The following SYNDIG1 variants were observed in gnomAD, a reference collection of about 807,000 sequenced individuals.
SYNDIG1 encodes the protein synapse differentiation-inducing gene protein 1.
In SYNDIG1, 9 loss-of-function variants were observed where a neutral mutation model predicts 19.4. That is an observed-to-expected ratio of 0.46 (90% CI 0.28 to 0.81). SYNDIG1 has a LOEUF of 0.81. Ranked by LOEUF, SYNDIG1 falls within the 30% of genes least tolerant of loss-of-function variation. The pLI is 0.12. For synonymous variants in SYNDIG1, 141 were observed against 145.9 expected (o/e 0.97, Z 0.24); for missense variants, 311 against 343.3 (o/e 0.91, Z 0.74).
intron 2 of SYNDIG1, among the ~76,000 whole-genome samples, chr20:24,569,449 C>A (rs1388127930): frequency 6.6e-6 from 1 of 152,128 alleles, no homozygotes; most frequent in African/African-American, 2.4e-5. Context: ...GAGACCTGGG[C>A]GTCAGGAGTG....
At chr20:24,611,048 C>T (rs1204862904) in intron 3 of SYNDIG1, among the ~76,000 whole-genome samples, 1 of 152,192 alleles carries the variant, frequency 6.6e-6, no homozygotes, top group Non-Finnish European at 1.5e-5. Context: ...AGCTGAACCA[C>T]GCGATGCTCA....
chr20:24,511,578 C>T (rs950501320), intron 1 of SYNDIG1, among the ~76,000 whole-genome samples: 2 of 152,112 alleles, frequency 1.3e-5, no homozygotes, highest in African/African-American at 2.4e-5. Flanking sequence ...TCTCCTCTGC[C>T]CCCGCCACTA....
chr20:24,603,369 G>A (rs552704596), intron 3 of SYNDIG1, among the ~76,000 whole-genome samples: 1 of 152,264 alleles, frequency 6.6e-6, no homozygotes, highest in Admixed American at 6.5e-5. Context: ...TTCATTCCTA[G>A]TGCTCCAAGC....
At chr20:24,569,692 G>T (rs942609623) in intron 2 of SYNDIG1, among the ~76,000 whole-genome samples, 3 of 152,120 alleles carry the variant, frequency 2.0e-5, no homozygotes, top group Non-Finnish European at 4.4e-5. Context: ...GTTTACCCCA[G>T]AAAAAAGTGC....
At chr20:24,592,332 A>G (rs1029157105) in intron 3 of SYNDIG1, among the ~76,000 whole-genome samples, 2 of 152,134 alleles carry the variant, frequency 1.3e-5, no homozygotes, top group African/African-American at 2.4e-5. Flanking sequence ...TCCCTTCTCA[A>G]TCTTACTCTG....
chr20:24,566,056 T>G (rs1312837218), intron 2 of SYNDIG1, among the ~76,000 whole-genome samples: 1 of 152,186 alleles, frequency 6.6e-6, no homozygotes, highest in East Asian at 1.9e-4. Context: ...AAGAGATTCC[T>G]CCCAGGGAGG....
intron 1 of SYNDIG1, among the ~76,000 whole-genome samples, chr20:24,503,647 C>T (rs2056512168): frequency 6.6e-6 from 1 of 151,748 alleles, no homozygotes; most frequent in South Asian, 2.1e-4. Flanking sequence ...TTCCACTGCT[C>T]TTATCTGCAG....
At chr20:24,570,272 A>G (rs1393283247) in intron 2 of SYNDIG1, among the ~76,000 whole-genome samples, 3 of 152,248 alleles carry the variant, frequency 2.0e-5, no homozygotes, top group African/African-American at 7.2e-5. Context: ...CATCAGAAAA[A>G]CAATCTATAA....
intron 3 of SYNDIG1, among the ~76,000 whole-genome samples, chr20:24,637,876 C>T (rs1401225173): frequency 6.6e-6 from 1 of 152,244 alleles, no homozygotes; most frequent in Non-Finnish European, 1.5e-5. Flanking sequence ...TATCTGTAGA[C>T]TCCTCTGTGT....
At chr20:24,504,908 G>A (rs375148793) in intron 1 of SYNDIG1, among the ~76,000 whole-genome samples, 10 of 152,214 alleles carry the variant, frequency 6.6e-5, no homozygotes, top group Middle Eastern at 3.2e-3. Flanking sequence ...TAAGGATGTG[G>A]GGAAGCAACT....
intron 2 of SYNDIG1, among the ~76,000 whole-genome samples, chr20:24,576,452 T>C (rs1335210316): frequency 6.6e-6 from 1 of 152,206 alleles, no homozygotes; most frequent in Non-Finnish European, 1.5e-5. Context: ...GTACCTGCTT[T>C]GGGCTGTTGC....
At chr20:24,533,791 G>A (rs6049761) in intron 1 of SYNDIG1, among the ~76,000 whole-genome samples, 3,319 of 152,292 alleles carry the variant, frequency 0.022, 112 homozygotes, top group African/African-American at 0.073. Flanking sequence ...AGCCGTGATA[G>A]CACCATCAAT....
chr20:24,477,408 A>G (rs1469569004), intron 1 of SYNDIG1, among the ~76,000 whole-genome samples: 3 of 151,184 alleles, frequency 2.0e-5, no homozygotes, highest in South Asian at 2.1e-4. Flanking sequence ...CCTGCATCCC[A>G]TTGATTGTCT....
intron 1 of SYNDIG1, among the ~76,000 whole-genome samples, chr20:24,530,800 T>C (rs1477310359): frequency 6.6e-6 from 1 of 151,586 alleles, no homozygotes; most frequent in Non-Finnish European, 1.5e-5. Context: ...TGTTTGTTTT[T>C]TGGGTTTTTT....
intron 3 of SYNDIG1, among the ~76,000 whole-genome samples, chr20:24,654,892 GA>G (rs1317491299): frequency 6.6e-6 from 1 of 152,034 alleles, no homozygotes; most frequent in Non-Finnish European, 1.5e-5. Context: ...GAAGTCCAAG[GA>G]AAAAAATCAT....
intron 1 of SYNDIG1, among the ~76,000 whole-genome samples, chr20:24,510,700 G>C (rs546747211): frequency 4.6e-5 from 7 of 152,196 alleles, no homozygotes; most frequent in South Asian, 2.1e-4. Flanking sequence ...GTCTGAATCT[G>C]TAAATTCACA....
chr20:24,655,775 C>CAAA (rs11087474), intron 3 of SYNDIG1, among the ~76,000 whole-genome samples: 2 of 132,558 alleles, frequency 1.5e-5, no homozygotes, highest in African/African-American at 2.8e-5. Flanking sequence ...GTATACTCAT[C>CAAA]AAAAAAAAAA....
chr20:24,571,041 A>T (rs2058132345), intron 2 of SYNDIG1, among the ~76,000 whole-genome samples: 1 of 152,178 alleles, frequency 6.6e-6, no homozygotes, highest in African/African-American at 2.4e-5. Context: ...GATATACTGT[A>T]TGTTTCCATT....
intron 3 of SYNDIG1, among the ~76,000 whole-genome samples, chr20:24,641,178 C>A (rs369044288): frequency 3.9e-5 from 6 of 152,272 alleles, no homozygotes; most frequent in Non-Finnish European, 7.3e-5. Flanking sequence ...CCTTCCTGAA[C>A]CTTAATTCCT....
Sources: gnomAD v4.1 joint callset for allele counts (sites outside exome capture counted in the v4.1 genomes callset) on GRCh38, gnomAD v4.1.1 for gene constraint, MANE v1.5 for transcripts, NCBI Gene and HGNC (gene_info 2026-07-23, HGNC 2026-07-21) for gene names.